The following PRKCB variants were observed in gnomAD, a reference collection of about 807,000 sequenced individuals.
PRKCB encodes the protein protein kinase C beta type.
A neutral mutation model predicts 81.5 loss-of-function variants in PRKCB; 13 were observed. The ratio of observed to expected loss-of-function variants is 0.16; its 90% CI spans 0.10 to 0.25. PRKCB has a LOEUF of 0.25. Among genes scored for constraint, PRKCB ranks in the 10% least tolerant of loss-of-function variants. PRKCB has a pLI of 1.00. For missense variants in PRKCB, 509 were observed against 875.7 expected (o/e 0.58, Z 5.29); for synonymous variants, 335 against 321.4 (o/e 1.04, Z -0.45).
intron 2 of PRKCB, among the ~76,000 whole-genome samples, chr16:23,916,156 C>G (rs1274763713): frequency 6.6e-6 from 1 of 151,494 alleles, no homozygotes; most frequent in African/African-American, 2.4e-5. Context: ...TGGGCTCAAG[C>G]GATTCTCCCA....
At chr16:24,206,761 T>C (rs1235398691) in intron 16 of PRKCB, among the ~76,000 whole-genome samples, 1 of 152,188 alleles carries the variant, frequency 6.6e-6, no homozygotes. Flanking sequence ...TGCATCTGTG[T>C]CCTCTGCTAG....
rs6497717 is a variant in PRKCB, at chr16:24,080,221, G to A, written c.530-12570G>A. ...TGGCCAGGGAGCAATCATATGAGCA[G>A]CTGCTGTTTATGAATCACTCATCAC... On this transcript the variant is annotated intron_variant, in intron 5 of 16. Coordinates refer to ENST00000643927, the MANE Select transcript of PRKCB (RefSeq NM_002738.7). Among the ~76,000 whole-genome samples the A allele has an allele frequency of 8.7e-3, 1,326 of 152,266 alleles. 24 individuals carry two copies. Among genetic ancestry groups the A allele is most frequent in the African/African-American group, 0.03 (1,242 of 41,554 alleles).
intron 16 of PRKCB, among the ~76,000 whole-genome samples, chr16:24,192,186 C>T (rs1048646968): frequency 1.3e-5 from 2 of 152,202 alleles, no homozygotes; most frequent in South Asian, 4.1e-4. Flanking sequence ...GTGCTAGGCA[C>T]GTAATGATAA....
At chr16:24,202,170 CTA>C (rs111960960) in intron 16 of PRKCB, among the ~76,000 whole-genome samples, 11,060 of 152,256 alleles carry the variant, frequency 0.073, 606 homozygotes, top group East Asian at 0.18. Flanking sequence ...CATAAACCTG[CTA>C]TGTCTTTTTC....
chr16:23,878,721 A>G (rs1204049449), intron 2 of PRKCB, among the ~76,000 whole-genome samples: 4 of 152,218 alleles, frequency 2.6e-5, no homozygotes, highest in African/African-American at 9.6e-5. Flanking sequence ...TTTTAGCAAG[A>G]GGTGAATTTG....
intron 10 of PRKCB, among the ~76,000 whole-genome samples, chr16:24,169,666 T>C (rs947984141): frequency 6.6e-6 from 1 of 152,224 alleles, no homozygotes; most frequent in Non-Finnish European, 1.5e-5. Context: ...TTATTGAAAC[T>C]GGAACTCCTT....
intron 2 of PRKCB, among the ~76,000 whole-genome samples, chr16:23,882,341 C>T (rs1017614232): frequency 1.3e-5 from 2 of 152,054 alleles, no homozygotes; most frequent in Non-Finnish European, 2.9e-5. Context: ...ATCTCAGCCT[C>T]CTGAGTAGCT....
chr16:24,157,744 G>A (rs1263067849), intron 10 of PRKCB, among the ~76,000 whole-genome samples: 1 of 144,492 alleles, frequency 6.9e-6, no homozygotes, highest in Non-Finnish European at 1.5e-5. Flanking sequence ...GAGATCTGAT[G>A]GTTTTATGAG....
chr16:23,958,893 AGT>A (rs1427432429), intron 2 of PRKCB, among the ~76,000 whole-genome samples: 3 of 152,114 alleles, frequency 2.0e-5, no homozygotes, highest in Non-Finnish European at 4.4e-5. Flanking sequence ...GTAACAGCGT[AGT>A]GGTGGTTCCG....
At chr16:24,036,362 C>T (rs1965618906) in intron 5 of PRKCB, among the ~76,000 whole-genome samples, 1 of 152,158 alleles carries the variant, frequency 6.6e-6, no homozygotes, top group Non-Finnish European at 1.5e-5. Context: ...GTATAACCAG[C>T]ACTGAGCTGG....
At chr16:23,987,743 G>A (rs1964820603) in intron 2 of PRKCB, among the ~76,000 whole-genome samples, 1 of 152,146 alleles carries the variant, frequency 6.6e-6, no homozygotes, top group African/African-American at 2.4e-5. Context: ...GAAACCCGCA[G>A]TCTAGAGGTT....
chr16:24,043,273 C>T (rs1431154212), intron 5 of PRKCB, among the ~76,000 whole-genome samples: 1 of 151,852 alleles, frequency 6.6e-6, no homozygotes, highest in African/African-American at 2.4e-5. Context: ...AATAGTTGTT[C>T]AATTTTTTTT....
At chr16:24,056,695 G>C (rs909529524) in intron 5 of PRKCB, among the ~76,000 whole-genome samples, 10 of 152,004 alleles carry the variant, frequency 6.6e-5, no homozygotes, top group Admixed American at 5.2e-4. Context: ...TCTCATTCTT[G>C]TTCCCGCTCC....
At chr16:23,950,132 A>ATTTTTT (rs34117735) in intron 2 of PRKCB, among the ~76,000 whole-genome samples, 44 of 97,764 alleles carry the variant, frequency 4.5e-4, no homozygotes, top group Middle Eastern at 6.9e-3. Context: ...TATGATTTGA[A>ATTTTTT]TTTTTTTTTT....
chr16:23,932,474 C>T (rs13330605), intron 2 of PRKCB, among the ~76,000 whole-genome samples: 5,076 of 152,192 alleles, frequency 0.033, 140 homozygotes, highest in African/African-American at 0.067. Flanking sequence ...CACCTATGTT[C>T]GAACAATGTG....
At chr16:24,063,280 G>C (rs1965994935) in intron 5 of PRKCB, among the ~76,000 whole-genome samples, 1 of 151,158 alleles carries the variant, frequency 6.6e-6, no homozygotes, top group Non-Finnish European at 1.5e-5. Context: ...TTTTCTGCTT[G>C]CGCCTATCCT....
intron 6 of PRKCB, among the ~76,000 whole-genome samples, chr16:24,093,806 C>G (rs1013950791): frequency 1.3e-5 from 2 of 152,198 alleles, no homozygotes; most frequent in African/African-American, 2.4e-5. Context: ...CTCAACCCAC[C>G]TGTGTGCAGA....
chr16:24,074,180 G>A (rs531330012), intron 5 of PRKCB, among the ~76,000 whole-genome samples: 5 of 152,114 alleles, frequency 3.3e-5, no homozygotes, highest in Admixed American at 2.0e-4. Context: ...GACACACCTC[G>A]AAGCTACTGC....
At chr16:24,125,380 C>G (rs1342865904) in intron 9 of PRKCB, among the ~76,000 whole-genome samples, 1 of 152,156 alleles carries the variant, frequency 6.6e-6, no homozygotes, top group Non-Finnish European at 1.5e-5. Flanking sequence ...GTGCTCTGGC[C>G]ACAACATCAG....
Sources: gnomAD v4.1 joint callset for allele counts (sites outside exome capture counted in the v4.1 genomes callset) on GRCh38, gnomAD v4.1.1 for gene constraint, MANE v1.5 for transcripts, NCBI Gene and HGNC (gene_info 2026-07-23, HGNC 2026-07-21) for gene names.